The following LIPG variants were observed in gnomAD, a reference collection of about 807,000 sequenced individuals.
LIPG encodes endothelial lipase.
LIPG carries 34 observed loss-of-function variants against 51.8 expected under a neutral mutation model. The observed-to-expected ratio is 0.66, with a 90% CI of 0.50 to 0.87. LIPG has a LOEUF of 0.87. Among genes scored for constraint, LIPG ranks in the 40% least tolerant of loss-of-function variants. The probability of loss-of-function intolerance (pLI) is 0.00; values close to 1 mark genes in which losing one functional copy is unlikely to be tolerated. For missense variants in LIPG, 580 were observed against 652.7 expected, an observed-to-expected ratio of 0.89 and a Z score of 1.21; for synonymous variants, 246 against 246.1, an observed-to-expected ratio of 1.00 and a Z score of 0.00.
intron 2 of LIPG, among the ~76,000 whole-genome samples, chr18:49,565,790 A>C (rs1297683058): frequency 6.6e-6 from 1 of 152,170 alleles, no homozygotes; most frequent in Non-Finnish European, 1.5e-5. Context: ...AATTACACTT[A>C]ATTACGCTGG....
At chr18:49,589,079 G>T (rs2084914171) in intron 9 of LIPG, among the ~76,000 whole-genome samples, 1 of 152,194 alleles carries the variant, frequency 6.6e-6, no homozygotes, top group African/African-American at 2.4e-5. Context: ...CCCAAAGCCT[G>T]TGTTGTTGAG....
chr18:49,575,077 C>T (rs186095655), intron 4 of LIPG, among the ~76,000 whole-genome samples: 1 of 152,120 alleles, frequency 6.6e-6, no homozygotes, highest in African/African-American at 2.4e-5. Context: ...TGTGTGGCAG[C>T]GAAACTTGTG....
Position 49,567,493 on chromosome 18 carries a change from A to G in LIPG, c.331A>G (p.Thr111Ala). The change falls in exon 3 of 10, where the codon ACA becomes GCA. Residue 111 changes from threonine to alanine, a missense_variant. Coordinates refer to ENST00000261292, the MANE Select transcript of LIPG (RefSeq NM_006033.4). ...WLHKLVSALH[T>A]REKDANVVVV... Reference sequence around the variant, plus strand: ...GCACAAACTCGTGTCAGCCCTGCACACAAGAGAGAAAGACGCCAATGTAGT... The same window carrying G: ...GCACAAACTCGTGTCAGCCCTGCACGCAAGAGAGAAAGACGCCAATGTAGT... The G allele has an allele frequency of 6.2e-7, 1 of 1,614,180 alleles. No homozygotes were observed. The highest frequency in any genetic ancestry group is 1.6e-4 in the Middle Eastern group (1 of 6,062).
intron 1 of LIPG, 26 bp from the exon 2 acceptor site, chr18:49,565,291 A>T: frequency 1.9e-6 from 3 of 1,612,384 alleles, no homozygotes; most frequent in East Asian, 4.5e-5. Flanking sequence ...TGCTAGATGC[A>T]CCCACGCTCT....
intron 9 of LIPG, 67 bp from the exon 10 acceptor site, chr18:49,590,434 G>A (rs2084929467): frequency 1.9e-6 from 3 of 1,540,386 alleles, no homozygotes; most frequent in Admixed American, 3.8e-5. Context: ...AGCACACCCT[G>A]AATACAGGTT....
intron 3 of LIPG, among the ~76,000 whole-genome samples, chr18:49,569,204 C>G (rs57759309): frequency 0.032 from 4,839 of 152,264 alleles, 256 homozygotes; most frequent in African/African-American, 0.11. Context: ...ATACCCTCCA[C>G]CCTGTCCCCA....
chr18:49,578,590 G>C (rs1169877663), intron 5 of LIPG, among the ~76,000 whole-genome samples: 1 of 151,652 alleles, frequency 6.6e-6, no homozygotes, highest in Non-Finnish European at 1.5e-5. Context: ...GGGCGGCCAG[G>C]CGGAGACACT....
At chr18:49,565,524 G>A (rs920270325) in intron 2 of LIPG, 26 bp downstream of exon 2, 5 of 1,613,194 alleles carry the variant, frequency 3.1e-6, no homozygotes, top group African/African-American at 1.3e-5. Context: ...GAGCTCTGCG[G>A]CTTTATATAA....
At position 49,564,199 on chromosome 18, in the gene LIPG, C is replaced by T. The variant is rs576759816; in HGVS notation, c.98-1118C>T. Among the ~76,000 whole-genome samples the T allele has an allele frequency of 1.4e-3, 209 of 152,226 alleles. 1 individual carries two copies. The highest frequency in any genetic ancestry group is 4.9e-3 in the African/African-American group (205 of 41,558). ...TTTTGGTATCTTCTTCCTTTTGCTT[C>T]TTAACTCTGAGATAAATTAACTCCA... On this transcript the variant is annotated intron_variant, in intron 1 of 9. Transcript: ENST00000261292.
chr18:49,575,406 C>A lies in LIPG; in HGVS notation c.609C>A (p.Asp203Glu), dbSNP rs773073341. 1.2e-6 allele frequency: 2 copies of A among 1,613,644 alleles called. No individual in the cohort carries two copies. Among genetic ancestry groups the A allele is most frequent in the Admixed American group, 3.3e-5 (2 of 60,022 alleles). Residue 203 changes from aspartate (D) to glutamate (E), a missense_variant, in exon 5 of 10, where the codon GAC becomes GAA. Asp to Glu is a conservative substitution (Grantham distance 45, BLOSUM62 2). Coordinates refer to ENST00000261292, the MANE Select transcript of LIPG (RefSeq NM_006033.4). ...DPAGPMFEGA[D>E]IHKRLSPDDA... ...CCGGGCCCATGTTTGAAGGGGCCGACATCCACAAGAGGCTCTCTCCGGACG... is the reference window on the plus strand; with the variant it reads ...CCGGGCCCATGTTTGAAGGGGCCGAAATCCACAAGAGGCTCTCTCCGGACG...
Position 49,583,588 on chromosome 18 carries a change from C to T in LIPG, c.1190C>T (p.Thr397Ile), listed in dbSNP as rs2084848315. The T allele has an allele frequency of 1.9e-6, 3 of 1,614,158 alleles. No homozygotes were observed. Among genetic ancestry groups the T allele is most frequent in the South Asian group, 2.2e-5 (2 of 91,080 alleles). Residue 397 changes from threonine to isoleucine, a missense_variant, in exon 8 of 10, where the codon ACC becomes ATC. Physicochemically the swap from Thr to Ile is moderately conservative, Grantham distance 89. Transcript: ENST00000261292. ...CGGATCGAGCAGAATGCCACCAACA[C>T]CTTCCTGGTCTACACCGAGGAGGAC... Reference protein sequence around the residue: ...VERIEQNATNTFLVYTEEDLG... With the variant: ...VERIEQNATNIFLVYTEEDLG...
chr18:49,587,453 C>A (rs1042818713), intron 9 of LIPG, among the ~76,000 whole-genome samples: 2 of 150,918 alleles, frequency 1.3e-5, no homozygotes, highest in Non-Finnish European at 2.9e-5. Flanking sequence ...CCTGTAGTCC[C>A]AGCTACTCGG....
intron 9 of LIPG, among the ~76,000 whole-genome samples, chr18:49,587,568 C>CAAAAAAAAAAAAAAAAA (rs34734805): frequency 4.7e-5 from 2 of 42,308 alleles, no homozygotes; most frequent in African/African-American, 1.6e-4. Flanking sequence ...GACTCCGTCT[C>CAAAAAAAAAAAAAAAAA]AAAAAAAAAA....
At chr18:49,578,096 G>A (rs2084747974) in intron 5 of LIPG, among the ~76,000 whole-genome samples, 2 of 126,498 alleles carry the variant, frequency 1.6e-5, no homozygotes, top group Non-Finnish European at 3.4e-5. Context: ...CCTCCCGGAT[G>A]GGGCGGCTGG....
intron 9 of LIPG, among the ~76,000 whole-genome samples, chr18:49,588,326 A>C (rs2084905861): frequency 6.9e-6 from 1 of 145,760 alleles, no homozygotes; most frequent in African/African-American, 2.6e-5. Flanking sequence ...TCTATCGCTC[A>C]GGCTGGAGTG....
Position 49,565,368 on chromosome 18 carries a change from G to A in LIPG, c.149G>A (p.Arg50Lys). 1 of 1,614,178 alleles carries A rather than the reference G, an allele frequency of 6.2e-7. No individual in the cohort carries two copies. Among genetic ancestry groups the A allele is most frequent in the Non-Finnish European group, 8.5e-7 (1 of 1,180,018 alleles). Residue 50 changes from arginine (R) to lysine (K), a missense_variant, in exon 2 of 10, where the codon AGG becomes AAG. Transcript: ENST00000261292. The part of the protein sequence containing the change: ...ATQTEVKPSV[R>K]FNLRTSKDPE... ...CAGACTGAGGTCAAACCATCTGTGAGGTTTAACCTCCGCACCTCCAAGGAC... is the reference window on the plus strand; with the variant it reads ...CAGACTGAGGTCAAACCATCTGTGAAGTTTAACCTCCGCACCTCCAAGGAC...
chr18:49,578,775 C>T (rs2084763375), intron 5 of LIPG, among the ~76,000 whole-genome samples: 2 of 151,174 alleles, frequency 1.3e-5, no homozygotes, highest in African/African-American at 2.4e-5. Flanking sequence ...AATCCCGGCA[C>T]CTCGGGAGGC....
intron 6 of LIPG, 136 bp downstream of exon 6, chr18:49,581,793 T>C: frequency 9.1e-7 from 1 of 1,097,990 alleles, no homozygotes; most frequent in Non-Finnish European, 1.4e-6. Flanking sequence ...CAAATCAGAT[T>C]ACACTGTGCA....
rs1352436777 is a variant in LIPG, at chr18:49,574,657, C to T, written c.572-712C>T. ...TGGTGGAATTTAAATTTAACAAGCT[C>T]CCAATTTCAAATATGAGAACCAGTG... On this transcript the variant is annotated intron_variant, in intron 4 of 9. Transcript: ENST00000261292. 2.0e-5 allele frequency among the ~76,000 whole-genome samples: 3 copies of T among 152,074 alleles called. No individual in the cohort carries two copies. In the South Asian group the frequency reaches 6.2e-4, roughly 32 times the overall value.
Sources: allele counts gnomAD v4.1 joint callset (sites outside exome capture counted in the v4.1 genomes callset), GRCh38; gene constraint gnomAD v4.1.1; transcripts MANE v1.5; gene names NCBI Gene and HGNC (gene_info 2026-07-23, HGNC 2026-07-21).